The following ZBP1 variants were observed in gnomAD, a reference collection of about 807,000 sequenced individuals.
ZBP1 encodes the protein Z-DNA binding protein 1.
A neutral mutation model predicts 41.1 loss-of-function variants in ZBP1; 42 were observed. That is an observed-to-expected ratio of 1.02 (90% confidence interval 0.80 to 1.32). The LOEUF is 1.32. ZBP1 is among the 40% of genes most tolerant of loss of function. The pLI, the probability that ZBP1 is intolerant of heterozygous loss-of-function variation, is 0.00. For synonymous variants in ZBP1, 214 were observed against 205.2 expected, an observed-to-expected ratio of 1.04 and a Z score of -0.37; for missense variants, 562 against 549.7, an observed-to-expected ratio of 1.02 and a Z score of -0.22.
intron 1 of ZBP1, among the ~76,000 whole-genome samples, chr20:57,619,625 G>A (rs950439232): frequency 1.3e-5 from 2 of 152,152 alleles, no homozygotes; most frequent in Non-Finnish European, 2.9e-5. Flanking sequence ...CGATATGACT[G>A]TGACATGGGT....
intron 4 of ZBP1, among the ~76,000 whole-genome samples, 181 bp downstream of exon 4, chr20:57,614,706 C>A (rs189926199): frequency 1.8e-3 from 277 of 152,324 alleles, no homozygotes; most frequent in African/African-American, 6.4e-3. Context: ...AAAAAGCTGT[C>A]CCTGGTTAAT....
chr20:57,611,215 G>A (rs965121508), intron 6 of ZBP1, among the ~76,000 whole-genome samples: 5 of 152,256 alleles, frequency 3.3e-5, no homozygotes, highest in African/African-American at 1.2e-4. Context: ...GTGGGTCGTA[G>A]GGGATGGGGA....
chr20:57,612,009 G>T, intron 5 of ZBP1, 79 bp from the exon 6 acceptor site: 1 of 1,439,464 alleles, frequency 6.9e-7, no homozygotes, highest in Non-Finnish European at 9.5e-7. Flanking sequence ...ACGCAGGCCT[G>T]TCCTCTGAAT....
chr20:57,620,322 G>T lies in ZBP1; in HGVS notation c.-27C>A. On this transcript the variant is annotated 5_prime_UTR_variant, in exon 1 of 8. Coordinates refer to ENST00000371173, the MANE Select transcript of ZBP1 (RefSeq NM_030776.3). ...CTGACAGCAGCTGCAAGGAGTCGGA[G>T]AGACTTGGCAGGTGTGCAGGCTTCT... 6.3e-7 allele frequency: 1 copy of T among 1,587,926 alleles called. No homozygotes were observed.
At position 57,604,779 on chromosome 20, in the gene ZBP1, A is replaced by G; in HGVS notation, c.1094-10T>C. 1 of 1,608,944 alleles carries G rather than the reference A, an allele frequency of 6.2e-7. No homozygotes were observed. The highest frequency in any genetic ancestry group is 8.5e-7 in the Non-Finnish European group (1 of 1,176,280). ...TCTGCGGGACGACGACCTAGGGAAG[A>G]GAAGATGGGGGATCAGCTTCATGGG... On this transcript the variant is annotated splice_polypyrimidine_tract_variant and intron_variant, in intron 7 of 7. Transcript: ENST00000371173.
rs1398175339 is a variant in ZBP1 at position 57,610,456 on chromosome 20, C to T, written c.875-89G>A. Reference sequence around the variant, plus strand: ...CCCCCAGCCTGGTTCACCCTCCTCCCCAGATCTCCCACCAGTGGCCCACAC... The same window carrying T: ...CCCCCAGCCTGGTTCACCCTCCTCCTCAGATCTCCCACCAGTGGCCCACAC... On this transcript the variant is annotated intron_variant, in intron 6 of 7. Transcript: ENST00000371173. This position sits in a 1 kb window ranked among gnomAD's most constrained non-coding sequence, Gnocchi z 5.5. The T allele has an allele frequency of 7.8e-6, 11 of 1,405,834 alleles. No individual in the cohort carries two copies. Among genetic ancestry groups the T allele is most frequent in the Non-Finnish European group, 1.1e-5 (11 of 1,005,992 alleles). 87.1% of individuals were successfully genotyped at this position (1,405,834 alleles called of 1,614,324 possible). A position where few individuals can be genotyped will look rare whatever the true frequency, so the allele number is the denominator to read the frequency against.
chr20:57,616,293 C>T lies in ZBP1; in HGVS notation c.210G>A (p.Gly70=), dbSNP rs2070824736. 6.2e-7 allele frequency: 1 copy of T among 1,614,130 alleles called. No individual in the cohort carries two copies. The highest frequency in any genetic ancestry group is 1.7e-5 in the Admixed American group (1 of 60,012). Residue 70 remains glycine (G), a synonymous_variant, in exon 2 of 8, where the codon GGG becomes GGA. Transcript: ENST00000371173. ...LTSPATWCLG[G]TDPEGEGPAE... ...CAGGACCCTCGCCTTCAGGATCAGT[C>T]CCGCCCAAGCACCAGGTGGCAGGGG...
intron 7 of ZBP1, among the ~76,000 whole-genome samples, chr20:57,609,412 G>C (rs2070587213): frequency 6.6e-6 from 1 of 152,116 alleles, no homozygotes. Context: ...GCTGGGCTTA[G>C]ACTGCCTTGA....
chr20:57,620,411 T>C lies in ZBP1; in HGVS notation c.-116A>G. 8.6e-7 allele frequency: 1 copy of C among 1,168,916 alleles called. No homozygotes were observed. The highest frequency in any genetic ancestry group is 1.2e-6 in the Non-Finnish European group (1 of 824,624). The allele number at this position is 1,168,916 out of a possible 1,614,324, so 72.4% of individuals were successfully genotyped here. A position where few individuals can be genotyped will look rare whatever the true frequency, so the allele number is the denominator to read the frequency against. Reference sequence around the variant, plus strand: ...GGGCTTCTGAAGTGGCCGAGCCTGGTGCTTCTTGCAGCTCTGAACCCACAA... The same window carrying C: ...GGGCTTCTGAAGTGGCCGAGCCTGGCGCTTCTTGCAGCTCTGAACCCACAA... On this transcript the variant is annotated 5_prime_UTR_variant, in exon 1 of 8. Transcript: ENST00000371173.
At chr20:57,618,520 C>T (rs1404185954) in intron 1 of ZBP1, among the ~76,000 whole-genome samples, 1 of 152,194 alleles carries the variant, frequency 6.6e-6, no homozygotes, top group African/African-American at 2.4e-5. Flanking sequence ...CCCCCACCGG[C>T]AGCCAGCAGC....
At chr20:57,616,180 G>A in intron 2 of ZBP1, 64 bp downstream of exon 2, 3 of 1,486,316 alleles carry the variant, frequency 2.0e-6, no homozygotes, top group Non-Finnish European at 1.9e-6. Flanking sequence ...GCTCAAATCT[G>A]TGCTTGTCCA....
At position 57,610,287 on chromosome 20, in the gene ZBP1, C is replaced by T. The variant is rs376946202; in HGVS notation, c.955G>A (p.Ala319Thr). 21 of 1,614,022 alleles carry T rather than the reference C, an allele frequency of 1.3e-5. No individual in the cohort carries two copies. Among genetic ancestry groups the T allele is most frequent in the Admixed American group, 1.2e-4 (7 of 60,002 alleles). Residue 319 changes from alanine to threonine, a missense_variant, in exon 7 of 8, where the codon GCC becomes ACC. Transcript: ENST00000371173. This position sits in a 1 kb window ranked among gnomAD's most constrained non-coding sequence, Gnocchi z 5.5. ...SPGTHPEGEA[A>T]QRIHMKSCFL... ...CACGATTTCATGTGGATTCTCTGGG[C>T]GGCTTCCCCCTCAGGGTGAGTTCCT... is the stretch of plus-strand genomic sequence containing the variant.
chr20:57,616,888 T>A (rs1183589925), intron 1 of ZBP1: 1 of 228,856 alleles, frequency 4.4e-6, no homozygotes, highest in Non-Finnish European at 8.9e-6. Flanking sequence ...TGGGTTTACC[T>A]GATGCCCATC....
Position 57,613,077 on chromosome 20 carries a change from T to A in ZBP1, c.670+86A>T. On this transcript the variant is annotated intron_variant, in intron 5 of 7. Coordinates refer to ENST00000371173, the MANE Select transcript of ZBP1 (RefSeq NM_030776.3). The surrounding 1 kb of genome is among the most constrained non-coding windows in gnomAD (Gnocchi z 4.5). Reference sequence around the variant, plus strand: ...CCCTTGGAGGGCAGAATCCCCCCACTCCCCATCCCTACCCTTTGCCCCCAC... The same window carrying A: ...CCCTTGGAGGGCAGAATCCCCCCACACCCCATCCCTACCCTTTGCCCCCAC... 1.9e-6 allele frequency: 3 copies of A among 1,573,688 alleles called. No individual in the cohort carries two copies. The highest frequency in any genetic ancestry group is 2.6e-6 in the Non-Finnish European group (3 of 1,158,544).
At chr20:57,607,811 A>G (rs2070534198) in intron 7 of ZBP1, among the ~76,000 whole-genome samples, 1 of 152,226 alleles carries the variant, frequency 6.6e-6, no homozygotes, top group South Asian at 2.1e-4. Context: ...TAGCATTTTT[A>G]GCAATAAAGT....
At chr20:57,615,409 G>T in intron 3 of ZBP1, 103 bp downstream of exon 3, 1 of 1,263,460 alleles carries the variant, frequency 7.9e-7, no homozygotes, top group Non-Finnish European at 1.1e-6. Context: ...GTGGGACAGG[G>T]CCCCTGAACA....
At chr20:57,620,177 TG>T in intron 1 of ZBP1, 84 bp downstream of exon 1, 1 of 1,486,576 alleles carries the variant, frequency 6.7e-7, no homozygotes, top group Non-Finnish European at 9.2e-7. Flanking sequence ...CATCATGATC[TG>T]GACCAAGCGA....
rs949599563 is a variant in ZBP1 at position 57,620,411 on chromosome 20, T to G, written c.-116A>C. 35 of 1,168,798 alleles carry G rather than the reference T, an allele frequency of 3.0e-5. No individual in the cohort carries two copies. The Admixed American group carries it at 5.5e-4, about 18-fold the overall frequency. The allele number at this position is 1,168,798 out of a possible 1,614,324, so 72.4% of individuals were successfully genotyped here. On this transcript the variant is annotated 5_prime_UTR_variant, in exon 1 of 8. Coordinates refer to ENST00000371173, the MANE Select transcript of ZBP1 (RefSeq NM_030776.3). ...GGGCTTCTGAAGTGGCCGAGCCTGGTGCTTCTTGCAGCTCTGAACCCACAA... is the reference window on the plus strand; with the variant it reads ...GGGCTTCTGAAGTGGCCGAGCCTGGGGCTTCTTGCAGCTCTGAACCCACAA...
At chr20:57,620,039 G>T (rs2070961887) in intron 1 of ZBP1, among the ~76,000 whole-genome samples, 1 of 152,150 alleles carries the variant, frequency 6.6e-6, no homozygotes, top group Non-Finnish European at 1.5e-5. Flanking sequence ...GTTTCGCCAT[G>T]TTGGCCAGGC....
Sources: allele counts gnomAD v4.1 joint callset (sites outside exome capture counted in the v4.1 genomes callset), GRCh38; gene constraint gnomAD v4.1.1; non-coding constraint Gnocchi (gnomAD v3.1); transcripts MANE v1.5; gene names NCBI Gene and HGNC (gene_info 2026-07-23, HGNC 2026-07-21).